DHX15: variants seen among roughly 807,000 people sequenced by gnomAD.
DHX15 encodes ATP-dependent RNA helicase DHX15.
A neutral mutation model predicts 94.4 loss-of-function variants in DHX15; 11 were observed. The ratio of observed to expected loss-of-function variants is 0.12; its 90% CI spans 0.07 to 0.19. DHX15 has a LOEUF of 0.19. Ranked by LOEUF, DHX15 falls within the 10% of genes least tolerant of loss-of-function variation. The pLI is 1.00. For missense variants in DHX15, 304 were observed against 988.5 expected, an observed-to-expected ratio of 0.31 and a Z score of 9.29; for synonymous variants, 338 against 329.9, an observed-to-expected ratio of 1.02 and a Z score of -0.27.
chr4:24,549,530 C>T (rs1185863112), intron 5 of DHX15, among the ~76,000 whole-genome samples: 1 of 152,250 alleles, frequency 6.6e-6, no homozygotes, highest in Admixed American at 6.5e-5. Context: ...CTAGGCTAAC[C>T]CAAATGTCTT....
chr4:24,570,156 C>A (rs901767341), intron 3 of DHX15, among the ~76,000 whole-genome samples: 1 of 152,152 alleles, frequency 6.6e-6, no homozygotes, highest in Admixed American at 6.6e-5. Context: ...GGAACAAGGA[C>A]CTAGAGGCAG....
At chr4:24,532,504 A>C (rs1721105707) in intron 12 of DHX15, among the ~76,000 whole-genome samples, 2 of 152,214 alleles carry the variant, frequency 1.3e-5, no homozygotes, top group African/African-American at 4.8e-5. Context: ...AGATTCAGAG[A>C]AACTTTAATG....
chr4:24,550,302 T>C (rs1401697947), intron 5 of DHX15, among the ~76,000 whole-genome samples: 1 of 151,888 alleles, frequency 6.6e-6, no homozygotes. Flanking sequence ...AAAAATGTAT[T>C]TTCTTTTTTT....
At chr4:24,552,246 C>G (rs1208318186) in intron 5 of DHX15, among the ~76,000 whole-genome samples, 1 of 151,876 alleles carries the variant, frequency 6.6e-6, no homozygotes, top group African/African-American at 2.4e-5. Context: ...ACAGACAGTT[C>G]AGGAGTTTTT....
intron 5 of DHX15, among the ~76,000 whole-genome samples, chr4:24,551,553 A>G (rs1184424119): frequency 6.6e-6 from 1 of 152,188 alleles, no homozygotes; most frequent in Non-Finnish European, 1.5e-5. Context: ...CTCCTTTGAA[A>G]TCTCAAGTTT....
At position 24,528,096 on chromosome 4, in the gene DHX15, AGTT is replaced by A. The variant is rs1355079195; in HGVS notation, c.2271-58_2271-56del. The A allele has an allele frequency of 2.5e-6, 3 of 1,176,480 alleles. No individual in the cohort carries two copies. The East Asian group carries it at 7.0e-5, about 27-fold the overall frequency. 72.9% of individuals were successfully genotyped at this position (1,176,480 alleles called of 1,614,324 possible). A position where few individuals can be genotyped will look rare whatever the true frequency, so the allele number is the denominator to read the frequency against. On this transcript the variant is annotated intron_variant, in intron 13 of 13. Transcript: ENST00000336812. ...AATTAACATTTAATTGAAGTACTGG[AGTT>A]GTTAATAGGATAGGCATTATTCATT...
chr4:24,529,675 T>C lies in DHX15; in HGVS notation c.2196A>G (p.Glu732=), dbSNP rs138181423. 1.3e-4 allele frequency: 204 copies of C among 1,614,070 alleles called. No individual in the cohort carries two copies. Among genetic ancestry groups the C allele is most frequent in the Non-Finnish European group, 1.7e-4 (198 of 1,180,022 alleles). ...GAACAAACTCATTATAAAGCACCCATTCAGGTTTGTGGTCAAGAACAGTAG... is the reference window on the plus strand; with the variant it reads ...GAACAAACTCATTATAAAGCACCCACTCAGGTTTGTGGTCAAGAACAGTAG... ...HPSTVLDHKP[E]WVLYNEFVLT... The change falls in exon 13 of 14, where the codon GAA becomes GAG. Residue 732 remains glutamate, a synonymous_variant. Coordinates refer to ENST00000336812, the MANE Select transcript of DHX15 (RefSeq NM_001358.3).
chr4:24,533,164 G>C lies in DHX15; in HGVS notation c.1910-110C>G, dbSNP rs1265654109. The C allele has an allele frequency of 4.3e-6, 4 of 940,938 alleles. 1 individual carries two copies. The African/African-American group carries it at 6.5e-5, about 15-fold the overall frequency. The allele number at this position is 940,938 out of a possible 1,614,324, so 58.3% of individuals were successfully genotyped here. On this transcript the variant is annotated intron_variant, in intron 11 of 13. Coordinates refer to ENST00000336812, the MANE Select transcript of DHX15 (RefSeq NM_001358.3). ...AGAATAAGCTAAATAAACCAGAAAG[G>C]AGATTTACCCACAACATTTTCTTTA...
Position 24,549,044 on chromosome 4 carries a change from A to G in DHX15, c.1081-22T>C, listed in dbSNP as rs201122028. ...TTTCCTACAAAATAAAAGTGAGTCT[A>G]AAAACGAATACTGAAACATTTTAAA... On this transcript the variant is annotated intron_variant, in intron 5 of 13. Coordinates refer to ENST00000336812, the MANE Select transcript of DHX15 (RefSeq NM_001358.3). The G allele has an allele frequency of 5.4e-5, 86 of 1,592,016 alleles. No homozygotes were observed. In the East Asian group the frequency reaches 9.4e-4, roughly 17 times the overall value.
intron 3 of DHX15, among the ~76,000 whole-genome samples, chr4:24,562,959 G>A (rs1034472815): frequency 6.6e-6 from 1 of 151,970 alleles, no homozygotes; most frequent in African/African-American, 2.4e-5. Flanking sequence ...CTAAATGTTT[G>A]AGTTTAAATT....
chr4:24,554,081 G>A (rs1223930029), intron 5 of DHX15, among the ~76,000 whole-genome samples: 3 of 152,194 alleles, frequency 2.0e-5, no homozygotes, highest in Non-Finnish European at 4.4e-5. Context: ...AGCCGGGTGT[G>A]GTGGCGGGCA....
At chr4:24,546,000 T>TTCTA (rs1210953643) in intron 6 of DHX15, among the ~76,000 whole-genome samples, 1 of 152,182 alleles carries the variant, frequency 6.6e-6, no homozygotes, top group African/African-American at 2.4e-5. Context: ...CTCACTTTTT[T>TTCTA]TCTAATAGAA....
intron 9 of DHX15, 104 bp from the exon 10 acceptor site, chr4:24,540,403 C>A (rs1721284668): frequency 2.1e-6 from 2 of 950,794 alleles, no homozygotes; most frequent in Non-Finnish European, 3.1e-6. Flanking sequence ...TTGCAGTGGA[C>A]CAAACTCAAA....
At chr4:24,562,131 C>CAAAAAAAAAAA (rs71196191) in intron 3 of DHX15, among the ~76,000 whole-genome samples, 1 of 77,824 alleles carries the variant, frequency 1.3e-5, no homozygotes. Context: ...GACACTGTCT[C>CAAAAAAAAAAA]AAAAAAAAAA....
At chr4:24,544,934 C>T (rs1721390695) in intron 6 of DHX15, among the ~76,000 whole-genome samples, 1 of 151,798 alleles carries the variant, frequency 6.6e-6, no homozygotes, top group African/African-American at 2.4e-5. Context: ...CATAGTAAAA[C>T]CCCACCTCTA....
intron 2 of DHX15, among the ~76,000 whole-genome samples, chr4:24,572,537 T>G (rs1188644797): frequency 2.0e-5 from 3 of 152,324 alleles, no homozygotes; most frequent in South Asian, 2.1e-4. Flanking sequence ...AGGACCCCTG[T>G]GCACTCACTC....
intron 1 of DHX15, among the ~76,000 whole-genome samples, chr4:24,577,170 G>A (rs552776693): frequency 3.3e-5 from 5 of 152,134 alleles, no homozygotes; most frequent in African/African-American, 4.8e-5. Flanking sequence ...CAACAGTGGT[G>A]GGTTTTGCTC....
chr4:24,571,188 T>C (rs949453043), intron 2 of DHX15, among the ~76,000 whole-genome samples: 3 of 152,244 alleles, frequency 2.0e-5, no homozygotes, highest in African/African-American at 7.2e-5. Flanking sequence ...AAAGTGTAAC[T>C]TTTAAATTCT....
At position 24,576,479 on chromosome 4, in the gene DHX15, A is replaced by C. The variant is rs544684333; in HGVS notation, c.271T>G (p.Ser91Ala). ...HSAHSTHSAH[S>A]THSTHSAHST... ...TGAGCAGAATGTGTTGAATGCGTTGAATGTGCTGAGTGGGTTGAGTGAGCT... is the reference window on the plus strand; with the variant it reads ...TGAGCAGAATGTGTTGAATGCGTTGCATGTGCTGAGTGGGTTGAGTGAGCT... Residue 91 changes from serine (S) to alanine (A), a missense_variant, in exon 2 of 14, where the codon TCA becomes GCA. Ser to Ala is a moderately conservative substitution (Grantham distance 99). Around this residue, in one of 9 missense-constraint regions of DHX15, gnomAD observed 143 missense variants for 200.5 expected, o/e 0.71. Transcript: ENST00000336812. The C allele has an allele frequency of 6.2e-6, 10 of 1,614,182 alleles. No homozygotes were observed. The East Asian group carries it at 6.7e-5, about 11-fold the overall frequency.
Sources: allele counts gnomAD v4.1 joint callset (sites outside exome capture counted in the v4.1 genomes callset), GRCh38; gene constraint gnomAD v4.1.1; regional missense constraint gnomAD v4.1.1; transcripts MANE v1.5; gene names NCBI Gene and HGNC (gene_info 2026-07-23, HGNC 2026-07-21).